Variants in THOC1 observed in about 807,000 individuals in gnomAD.
THOC1 encodes THO complex 1.
In THOC1, 29 loss-of-function variants were observed where a neutral mutation model predicts 97.3. The observed-to-expected ratio is 0.30, with a 90% CI of 0.22 to 0.41. The LOEUF (loss-of-function observed/expected upper bound fraction) is 0.41, where lower values mean the gene tolerates loss of function less well. Among genes scored for constraint, THOC1 ranks in the 10% least tolerant of loss-of-function variants. The probability of loss-of-function intolerance (pLI) is 1.00; values close to 1 mark genes in which losing one functional copy is unlikely to be tolerated. For missense variants in THOC1, 529 were observed against 761.9 expected, an observed-to-expected ratio of 0.69 and a Z score of 3.60; for synonymous variants, 255 against 257.0, an observed-to-expected ratio of 0.99 and a Z score of 0.07.
chr18:228,972 C>T (rs568202804), intron 11 of THOC1, among the ~76,000 whole-genome samples: 3 of 152,238 alleles, frequency 2.0e-5, no homozygotes, highest in Admixed American at 1.3e-4. Context: ...CCCCTTCTCA[C>T]TTTCAGTAGA....
chr18:248,171 T>A (rs1333011206), intron 9 of THOC1, among the ~76,000 whole-genome samples: 1 of 152,244 alleles, frequency 6.6e-6, no homozygotes, highest in Non-Finnish European at 1.5e-5. Flanking sequence ...GTGGAGCCCC[T>A]GAATTTTGGA....
At chr18:251,686 A>C (rs1008796184) in intron 9 of THOC1, among the ~76,000 whole-genome samples, 1 of 152,136 alleles carries the variant, frequency 6.6e-6, no homozygotes, top group Admixed American at 6.5e-5. Flanking sequence ...AGAGGTGTAC[A>C]TGAAAATAAC....
intron 11 of THOC1, among the ~76,000 whole-genome samples, chr18:243,376 T>C (rs1911974984): frequency 6.6e-6 from 1 of 152,102 alleles, no homozygotes; most frequent in Non-Finnish European, 1.5e-5. Flanking sequence ...TCTCTGAAAA[T>C]GTTTAATCCT....
intron 18 of THOC1, among the ~76,000 whole-genome samples, chr18:217,403 T>C (rs577488216): frequency 6.6e-6 from 1 of 152,324 alleles, no homozygotes; most frequent in East Asian, 1.9e-4. Context: ...TCACTGTCAA[T>C]TATACACATC....
chr18:267,973 C>T lies in THOC1; in HGVS notation c.47G>A (p.Arg16Gln), dbSNP rs1214242206. Residue 16 changes from arginine to glutamine, a missense_variant, in exon 1 of 21, where the codon CGG (arginine) becomes CAG (glutamine). By Grantham distance (43) the Arg-to-Gln change is conservative. Around this residue, in one of 8 missense-constraint regions of THOC1, gnomAD observed 114 missense variants for 97.4 expected, o/e 1.17. Transcript: ENST00000261600. ...CTCCCCTCTACAGCTCACCGTAAAC[C>T]GCGTCCGCGCTTCGGGCAAACTGAA... ...PLFSLPEART[R>Q]FTKSTREALN... 1 of 1,611,748 alleles carries T rather than the reference C, an allele frequency of 6.2e-7. No individual in the cohort carries two copies.
At chr18:237,586 C>A (rs1367834417) in intron 11 of THOC1, among the ~76,000 whole-genome samples, 1 of 151,756 alleles carries the variant, frequency 6.6e-6, no homozygotes, top group African/African-American at 2.4e-5. Context: ...TTTGAATATA[C>A]CCATTTTCTC....
intron 11 of THOC1, among the ~76,000 whole-genome samples, chr18:236,167 A>C (rs1441044679): frequency 6.6e-6 from 1 of 152,022 alleles, no homozygotes. Context: ...TATTTCAATC[A>C]TGAGTTTTGT....
intron 1 of THOC1, among the ~76,000 whole-genome samples, 173 bp from the exon 2 acceptor site, chr18:265,703 G>A (rs764836661): frequency 5.3e-5 from 8 of 151,836 alleles, no homozygotes; most frequent in African/African-American, 1.2e-4. Context: ...TTCATGATAC[G>A]GATCCTCATC....
chr18:221,197 C>G (rs1231321185), intron 17 of THOC1, among the ~76,000 whole-genome samples: 2 of 152,034 alleles, frequency 1.3e-5, no homozygotes, highest in African/African-American at 2.4e-5. Context: ...TAAGACCAAG[C>G]CTGTTAATTA....
rs976837386 is a variant in THOC1, at chr18:238,555, C to T, written c.918+7769G>A. On this transcript the variant is annotated intron_variant, in intron 11 of 20. Coordinates refer to ENST00000261600, the MANE Select transcript of THOC1 (RefSeq NM_005131.3). ...GCTCCTGGGCTACGAACCTGTAGAG[C>T]ATGTTACTGCACTGAATACTGTAAG... 3.9e-5 allele frequency among the ~76,000 whole-genome samples: 6 copies of T among 152,174 alleles called. 1 individual carries two copies. Among genetic ancestry groups the T allele is most frequent in the Non-Finnish European group, 8.8e-5 (6 of 68,030 alleles).
chr18:238,457 G>A (rs1390960811), intron 11 of THOC1, among the ~76,000 whole-genome samples: 1 of 152,146 alleles, frequency 6.6e-6, no homozygotes, highest in Non-Finnish European at 1.5e-5. Flanking sequence ...TTTCCCCATT[G>A]TGTGAATATC....
chr18:267,867 T>C (rs561797641), intron 1 of THOC1, 99 bp downstream of exon 1: 1,656 of 1,291,264 alleles, frequency 1.3e-3, no homozygotes, highest in Non-Finnish European at 1.7e-3. Flanking sequence ...GACACACCTC[T>C]GTCTCACTTT....
intron 17 of THOC1, 139 bp downstream of exon 17, chr18:223,301 A>T (rs1911156117): frequency 3.4e-6 from 2 of 581,710 alleles, no homozygotes; most frequent in Admixed American, 3.5e-5. Flanking sequence ...TATGGTGGGA[A>T]GTTACACGCT....
chr18:267,154 C>G (rs1912801377), intron 1 of THOC1, among the ~76,000 whole-genome samples: 1 of 152,084 alleles, frequency 6.6e-6, no homozygotes, highest in East Asian at 1.9e-4. Flanking sequence ...AATGTTGGTG[C>G]AAATGCTAGA....
intron 11 of THOC1, among the ~76,000 whole-genome samples, chr18:229,277 C>T (rs1375688492): frequency 1.3e-5 from 2 of 152,214 alleles, no homozygotes; most frequent in African/African-American, 4.8e-5. Context: ...CCCACATTCT[C>T]ACCTAACCCT....
intron 11 of THOC1, 144 bp from the exon 12 acceptor site, chr18:227,045 A>C: frequency 1.5e-6 from 1 of 658,800 alleles, no homozygotes; most frequent in Non-Finnish European, 2.6e-6. Flanking sequence ...CATGTGAGGC[A>C]TTACCGCACA....
intron 9 of THOC1, among the ~76,000 whole-genome samples, chr18:251,401 C>G (rs1019167164): frequency 6.6e-6 from 1 of 152,190 alleles, no homozygotes; most frequent in Admixed American, 6.5e-5. Context: ...ACTAATGACT[C>G]TCATCACCTC....
At chr18:260,347 T>C (rs929507414) in intron 4 of THOC1, 43 bp from the exon 5 acceptor site, 13 of 1,170,072 alleles carry the variant, frequency 1.1e-5, no homozygotes, top group African/African-American at 3.2e-5. Context: ...TAAAAAACTG[T>C]AGAGTAGAAT....
chr18:221,618 T>G (rs1380022678), intron 17 of THOC1, among the ~76,000 whole-genome samples: 1 of 146,962 alleles, frequency 6.8e-6, no homozygotes, highest in Non-Finnish European at 1.5e-5. Context: ...TTTTTTTTTT[T>G]TTTTTTTTGA....
Sources: allele counts gnomAD v4.1 joint callset (sites outside exome capture counted in the v4.1 genomes callset), GRCh38; gene constraint gnomAD v4.1.1; regional missense constraint gnomAD v4.1.1; transcripts MANE v1.5; gene names NCBI Gene and HGNC (gene_info 2026-07-23, HGNC 2026-07-21).